The following BMP5 variants were observed in gnomAD, a reference collection of about 807,000 sequenced individuals.
BMP5 encodes the protein bone morphogenetic protein 5.
A neutral mutation model predicts 46.6 loss-of-function variants in BMP5; 23 were observed. That is an observed-to-expected ratio of 0.49 (90% CI 0.35 to 0.70). BMP5 has a LOEUF of 0.70. Ranked by LOEUF, BMP5 falls within the 30% of genes least tolerant of loss-of-function variation. BMP5 has a pLI of 0.00. For synonymous variants in BMP5, 204 were observed against 191.9 expected, an observed-to-expected ratio of 1.06 and a Z score of -0.52; for missense variants, 545 against 565.6, an observed-to-expected ratio of 0.96 and a Z score of 0.37.
At chr6:55,821,329 T>C (rs1389295332) in intron 1 of BMP5, among the ~76,000 whole-genome samples, 2 of 152,162 alleles carry the variant, frequency 1.3e-5, no homozygotes, top group African/African-American at 4.8e-5. Flanking sequence ...CTCACCTCCA[T>C]CTCAGAATCT....
intron 1 of BMP5, among the ~76,000 whole-genome samples, chr6:55,859,409 G>A (rs1777478556): frequency 6.6e-6 from 1 of 152,098 alleles, no homozygotes; most frequent in South Asian, 2.1e-4. Context: ...TAAAAAAATT[G>A]CATGCCCAAT....
intron 4 of BMP5, among the ~76,000 whole-genome samples, chr6:55,765,858 C>A (rs1324046460): frequency 1.3e-5 from 2 of 152,080 alleles, no homozygotes; most frequent in African/African-American, 4.8e-5. Context: ...CCATGTGGAT[C>A]ATGTAATTAA....
intron 3 of BMP5, among the ~76,000 whole-genome samples, chr6:55,778,139 A>G (rs228147): frequency 0.87 from 132,896 of 152,104 alleles, 58,245 homozygotes; most frequent in African/African-American, 0.94. Flanking sequence ...CAATGCCAGT[A>G]ATGGGATAAA....
chr6:55,774,173 C>A lies in BMP5; in HGVS notation c.903G>T (p.Met301Ile). 6.2e-7 allele frequency: 1 copy of A among 1,613,132 alleles called. No individual in the cohort carries two copies. The highest frequency in any genetic ancestry group is 8.5e-7 in the Non-Finnish European group (1 of 1,179,410). The stretch of plus-strand genomic sequence containing the variant: ...CCTCACTCGCCTTGAAGAAGGCCAC[C>A]ATGAATGGTTGTTTTGACTGAGGTC... ...RQGPQSKQPFMVAFFKASEVL... is the reference protein window; with the variant it reads ...RQGPQSKQPFIVAFFKASEVL... Residue 301 changes from methionine to isoleucine, a missense_variant, in exon 4 of 7, where the codon ATG becomes ATT. Transcript: ENST00000370830.
intron 1 of BMP5, among the ~76,000 whole-genome samples, chr6:55,830,072 G>A (rs1466157511): frequency 6.6e-6 from 1 of 151,880 alleles, no homozygotes; most frequent in Admixed American, 6.6e-5. Context: ...AACTTTACCA[G>A]TCTTTACATT....
At chr6:55,762,347 G>A (rs1049129564) in intron 4 of BMP5, among the ~76,000 whole-genome samples, 3 of 152,054 alleles carry the variant, frequency 2.0e-5, no homozygotes, top group Admixed American at 6.6e-5. Flanking sequence ...AGAGATCAAA[G>A]GAGCCCATCA....
Position 55,874,963 on chromosome 6 carries a change from G to GA in BMP5, c.-99dup, listed in dbSNP as rs2127557852. ...TAGGAGGTACAGTTTCCCAGTAGCT[G>GA]AAAAAACAAATTTACCTATTTTTCA... On this transcript the variant is annotated 5_prime_UTR_variant, in exon 1 of 7. Coordinates refer to ENST00000370830, the MANE Select transcript of BMP5 (RefSeq NM_021073.4). The GA allele has an allele frequency of 1.7e-5, 24 of 1,430,456 alleles. No individual in the cohort carries two copies. Among genetic ancestry groups the GA allele is most frequent in the East Asian group, 2.3e-5 (1 of 43,728 alleles). The allele number at this position is 1,430,456 out of a possible 1,614,324, so 88.6% of individuals were successfully genotyped here.
At chr6:55,791,846 G>C (rs1775578667) in intron 3 of BMP5, among the ~76,000 whole-genome samples, 1 of 152,164 alleles carries the variant, frequency 6.6e-6, no homozygotes, top group Non-Finnish European at 1.5e-5. Context: ...CCCCAAAGAG[G>C]AGAGTGGGAG....
chr6:55,870,005 G>A (rs768863743), intron 1 of BMP5, among the ~76,000 whole-genome samples: 4 of 152,050 alleles, frequency 2.6e-5, no homozygotes, highest in African/African-American at 9.7e-5. Flanking sequence ...GGGCTACAGA[G>A]ACCAAGAACA....
chr6:55,853,342 TTCTCTC>T (rs5876469), intron 1 of BMP5, among the ~76,000 whole-genome samples: 2 of 129,280 alleles, frequency 1.5e-5, no homozygotes. Flanking sequence ...CTCCCCCGCT[TTCTCTC>T]TCTCTCTCTC....
chr6:55,774,257 CA>C lies in BMP5; in HGVS notation c.833-15del. The C allele has an allele frequency of 6.2e-7, 1 of 1,610,224 alleles. No individual in the cohort carries two copies. The highest frequency in any genetic ancestry group is 1.7e-4 in the Middle Eastern group (1 of 5,818). The stretch of plus-strand genomic sequence containing the variant: ...TGATACTGCGTCCTAGAACGTAATA[CA>C]AAAGCACTTGGTTTATGAAAAAGAA... On this transcript the variant is annotated splice_polypyrimidine_tract_variant and intron_variant, in intron 3 of 6. Transcript: ENST00000370830.
At position 55,753,816 on chromosome 6, in the gene BMP5, T is replaced by C. The variant is rs1049222834; in HGVS notation, c.*1717A>G. On this transcript the variant is annotated 3_prime_UTR_variant, in exon 7 of 7. Transcript: ENST00000370830. The stretch of plus-strand genomic sequence containing the variant: ...ATATACTTACATTTTGTATTCCTTT[T>C]AAATAAAGAACCAAATCAAGAACAG... 1 of 151,924 alleles carries C rather than the reference T, an allele frequency of 6.6e-6. No homozygotes were observed. The highest frequency in any genetic ancestry group is 2.4e-5 in the African/African-American group (1 of 41,432). 9.4% of individuals were successfully genotyped at this position (151,924 alleles called of 1,614,324 possible).
intron 1 of BMP5, among the ~76,000 whole-genome samples, chr6:55,855,381 T>C (rs1300328782): frequency 2.0e-5 from 3 of 151,704 alleles, no homozygotes; most frequent in African/African-American, 7.3e-5. Context: ...CAAGATCCTC[T>C]CTCAAAAGAA....
intron 1 of BMP5, among the ~76,000 whole-genome samples, chr6:55,825,770 T>G (rs955622357): frequency 2.0e-4 from 31 of 151,938 alleles, no homozygotes; most frequent in South Asian, 2.1e-4. Flanking sequence ...TTATCTGCAG[T>G]TTTAAGGAGA....
Position 55,874,943 on chromosome 6 carries a change from G to T in BMP5, c.-78C>A. ...AAAAAAAAAACCTAAGGTTCTAGGAGGTACAGTTTCCCAGTAGCTGAAAAA... is the reference window on the plus strand; with the variant it reads ...AAAAAAAAAACCTAAGGTTCTAGGATGTACAGTTTCCCAGTAGCTGAAAAA... On this transcript the variant is annotated 5_prime_UTR_variant, in exon 1 of 7. Transcript: ENST00000370830. 1 of 1,536,178 alleles carries T rather than the reference G, an allele frequency of 6.5e-7. No individual in the cohort carries two copies. Among genetic ancestry groups the T allele is most frequent in the Non-Finnish European group, 8.8e-7 (1 of 1,138,472 alleles).
At chr6:55,801,859 C>A (rs563404960) in intron 2 of BMP5, among the ~76,000 whole-genome samples, 2 of 152,298 alleles carry the variant, frequency 1.3e-5, no homozygotes, top group African/African-American at 4.8e-5. Context: ...CATACTGCAT[C>A]GCTTCTGATA....
Position 55,794,272 on chromosome 6 carries a change from T to C in BMP5, c.832+7A>G. ...TCACAAAAAAATATATAAAATTCAG[T>C]GCTTACCATCCCCTGTTTCTGCACA... On this transcript the variant is annotated splice_region_variant and intron_variant, in intron 3 of 6. Coordinates refer to ENST00000370830, the MANE Select transcript of BMP5 (RefSeq NM_021073.4). The C allele has an allele frequency of 6.2e-7, 1 of 1,613,874 alleles. No individual in the cohort carries two copies. Among genetic ancestry groups the C allele is most frequent in the Non-Finnish European group, 8.5e-7 (1 of 1,179,854 alleles).
chr6:55,770,176 T>A (rs1480346278), intron 4 of BMP5, among the ~76,000 whole-genome samples: 1 of 151,968 alleles, frequency 6.6e-6, no homozygotes, highest in Non-Finnish European at 1.5e-5. Flanking sequence ...AAGTCCTACA[T>A]AACATCTTCC....
intron 2 of BMP5, among the ~76,000 whole-genome samples, chr6:55,819,394 C>T (rs1776354431): frequency 6.6e-6 from 1 of 152,090 alleles, no homozygotes; most frequent in Non-Finnish European, 1.5e-5. Flanking sequence ...AATGAGACAA[C>T]AGACCTAGAA....
Sources: gnomAD v4.1 joint callset for allele counts (sites outside exome capture counted in the v4.1 genomes callset) on GRCh38, gnomAD v4.1.1 for gene constraint, MANE v1.5 for transcripts, NCBI Gene and HGNC (gene_info 2026-07-23, HGNC 2026-07-21) for gene names.